Variants in GNA12 observed in about 807,000 individuals in gnomAD.
GNA12 encodes the protein guanine nucleotide-binding protein subunit alpha-12.
In GNA12, 9 loss-of-function variants were observed where a neutral mutation model predicts 26.0. The ratio of observed to expected loss-of-function variants is 0.35; its 90% CI spans 0.21 to 0.60. GNA12 has a LOEUF of 0.60. GNA12 is among the 20% of genes least tolerant of loss of function. The pLI, the probability that GNA12 is intolerant of heterozygous loss-of-function variation, is 0.78. For synonymous variants in GNA12, 264 were observed against 219.6 expected, an observed-to-expected ratio of 1.20 and a Z score of -1.79; for missense variants, 405 against 525.8, an observed-to-expected ratio of 0.77 and a Z score of 2.25.
At chr7:2,750,266 G>T (rs1397169388) in intron 2 of GNA12, among the ~76,000 whole-genome samples, 1 of 152,166 alleles carries the variant, frequency 6.6e-6, no homozygotes, top group Non-Finnish European at 1.5e-5. Context: ...TGAGATCACA[G>T]GACACACTGC....
chr7:2,754,538 C>T (rs1300376318), intron 2 of GNA12, among the ~76,000 whole-genome samples: 1 of 151,306 alleles, frequency 6.6e-6, no homozygotes, highest in African/African-American at 2.4e-5. Context: ...AGCTTAGGGG[C>T]TCGAAACCAA....
At chr7:2,818,988 G>A (rs1022780705) in intron 1 of GNA12, among the ~76,000 whole-genome samples, 1 of 152,172 alleles carries the variant, frequency 6.6e-6, no homozygotes, top group Non-Finnish European at 1.5e-5. Flanking sequence ...CTAGGTGAAA[G>A]GTCTTTGCAG....
intron 1 of GNA12, among the ~76,000 whole-genome samples, chr7:2,826,741 G>A (rs1793493270): frequency 6.6e-6 from 1 of 152,182 alleles, no homozygotes; most frequent in African/African-American, 2.4e-5. Context: ...AAGGAAAAAC[G>A]ATGGAGACAG....
At chr7:2,762,528 T>C in intron 2 of GNA12, 2 of 1,163,456 alleles carry the variant, frequency 1.7e-6, no homozygotes, top group Non-Finnish European at 2.4e-6. Context: ...CAAAAGCAGT[T>C]CCACCACGCC....
chr7:2,732,854 A>G (rs1789970323), intron 3 of GNA12, among the ~76,000 whole-genome samples: 1 of 152,250 alleles, frequency 6.6e-6, no homozygotes, highest in Non-Finnish European at 1.5e-5. Flanking sequence ...GATCCTGACC[A>G]ATGGCAATGC....
intron 1 of GNA12, among the ~76,000 whole-genome samples, chr7:2,819,307 A>C (rs1285156444): frequency 1.3e-5 from 2 of 152,218 alleles, no homozygotes; most frequent in Admixed American, 1.3e-4. Context: ...GCCTCCAAAA[A>C]GGAACACAGT....
At chr7:2,749,877 A>G (rs1274326562) in intron 2 of GNA12, among the ~76,000 whole-genome samples, 1 of 152,206 alleles carries the variant, frequency 6.6e-6, no homozygotes, top group Admixed American at 6.5e-5. Flanking sequence ...AAAAGAGAAA[A>G]AAGATAAAGA....
chr7:2,754,255 C>T (rs1372590967), intron 2 of GNA12, among the ~76,000 whole-genome samples: 3 of 152,164 alleles, frequency 2.0e-5, no homozygotes, highest in Non-Finnish European at 4.4e-5. Context: ...GATGTCTTCT[C>T]GTGCTTATGT....
chr7:2,734,128 C>G (rs978193442), intron 2 of GNA12, among the ~76,000 whole-genome samples: 4 of 152,288 alleles, frequency 2.6e-5, no homozygotes, highest in Admixed American at 6.5e-5. Context: ...TCGATACAAT[C>G]TGAGACGTGT....
chr7:2,788,255 A>G (rs1047973219), intron 2 of GNA12, among the ~76,000 whole-genome samples: 1 of 152,190 alleles, frequency 6.6e-6, no homozygotes, highest in Non-Finnish European at 1.5e-5. Flanking sequence ...AGGCTGCTCA[A>G]CAGCTCCTCC....
intron 1 of GNA12, among the ~76,000 whole-genome samples, chr7:2,818,831 T>C (rs533732985): frequency 1.4e-5 from 2 of 148,020 alleles, no homozygotes; most frequent in Non-Finnish European, 3.0e-5. Flanking sequence ...CTCCCACAGG[T>C]TTCGCTTGCC....
chr7:2,769,935 G>C (rs1328659543), intron 2 of GNA12, among the ~76,000 whole-genome samples: 1 of 152,064 alleles, frequency 6.6e-6, no homozygotes, highest in African/African-American at 2.4e-5. Context: ...TTAAGTCTAA[G>C]TGTTTTTGTT....
Position 2,731,769 on chromosome 7 carries a change from G to A in GNA12, c.577-19C>T. 7.5e-7 allele frequency: 1 copy of A among 1,325,826 alleles called. No homozygotes were observed. Among genetic ancestry groups the A allele is most frequent in the Non-Finnish European group, 1.0e-6 (1 of 982,962 alleles). 82.1% of individuals were successfully genotyped at this position (1,325,826 alleles called of 1,614,324 possible). ...AGTAATTCTGTAAAATACAGGATGAGGCAGAAATTTAGGGGGAGGAAGAAA... is the reference window on the plus strand; with the variant it reads ...AGTAATTCTGTAAAATACAGGATGAAGCAGAAATTTAGGGGGAGGAAGAAA... On this transcript the variant is annotated intron_variant, in intron 3 of 3. Coordinates refer to ENST00000275364, the MANE Select transcript of GNA12 (RefSeq NM_007353.3). This position sits in a 1 kb window ranked among gnomAD's most constrained non-coding sequence, Gnocchi z 6.0.
chr7:2,809,237 C>A (rs1793020521), intron 1 of GNA12, among the ~76,000 whole-genome samples: 1 of 152,156 alleles, frequency 6.6e-6, no homozygotes, highest in Non-Finnish European at 1.5e-5. Flanking sequence ...AGGGCCGGCA[C>A]AGAGCAGAGG....
chr7:2,780,420 C>T (rs943891962), intron 2 of GNA12, among the ~76,000 whole-genome samples: 2 of 152,004 alleles, frequency 1.3e-5, no homozygotes, highest in Admixed American at 6.6e-5. Context: ...ATAAAAGATA[C>T]ATGCACTAAC....
At chr7:2,764,539 T>C (rs546454331) in intron 2 of GNA12, 1 of 152,376 alleles carries the variant, frequency 6.6e-6, no homozygotes, top group South Asian at 2.1e-4. Flanking sequence ...CAGCGTTTAC[T>C]TCACAATCCA....
At chr7:2,741,336 C>T (rs939011023) in intron 2 of GNA12, among the ~76,000 whole-genome samples, 1 of 152,090 alleles carries the variant, frequency 6.6e-6, no homozygotes. Flanking sequence ...GCCTGGGCAA[C>T]AGAGTGAGAC....
At chr7:2,779,744 T>C (rs1036025085) in intron 2 of GNA12, among the ~76,000 whole-genome samples, 3 of 151,836 alleles carry the variant, frequency 2.0e-5, no homozygotes, top group African/African-American at 7.3e-5. Flanking sequence ...ATTACAGACA[T>C]GTACCACCAC....
chr7:2,745,692 G>A (rs557654753), intron 2 of GNA12, among the ~76,000 whole-genome samples: 3 of 152,276 alleles, frequency 2.0e-5, no homozygotes, highest in South Asian at 4.2e-4. Context: ...ATGTAAATGG[G>A]CTAAATGCTC....
Sources: gnomAD v4.1 joint callset for allele counts (sites outside exome capture counted in the v4.1 genomes callset) on GRCh38, gnomAD v4.1.1 for gene constraint, Gnocchi (gnomAD v3.1) non-coding constraint, MANE v1.5 for transcripts, NCBI Gene and HGNC (gene_info 2026-07-23, HGNC 2026-07-21) for gene names.